The following DBT variants were observed in gnomAD, a reference collection of about 807,000 sequenced individuals.
DBT encodes lipoamide acyltransferase component of branched-chain alpha-keto acid dehydrogenase complex, mitochondrial.
DBT carries 40 observed loss-of-function variants against 51.3 expected under a neutral mutation model. The observed-to-expected ratio is 0.78, with a 90% CI of 0.61 to 1.02. The LOEUF (loss-of-function observed/expected upper bound fraction) is 1.02, where lower values mean the gene tolerates loss of function less well. DBT is among the 50% of genes least tolerant of loss of function. The pLI is 0.00. For missense variants in DBT, 510 were observed against 580.2 expected (o/e 0.88, Z 1.24); for synonymous variants, 181 against 190.4 (o/e 0.95, Z 0.41).
At chr1:100,230,603 T>G (rs1255490027) in intron 4 of DBT, 130 bp downstream of exon 4, 5 of 586,674 alleles carry the variant, frequency 8.5e-6, no homozygotes, top group Non-Finnish European at 1.5e-5. Flanking sequence ...TTACATTTCC[T>G]CAAGAGCTAA....
intron 2 of DBT, among the ~76,000 whole-genome samples, chr1:100,238,668 T>G (rs962583380): frequency 6.6e-6 from 1 of 152,014 alleles, no homozygotes; most frequent in South Asian, 2.1e-4. Context: ...GCTGACTTTT[T>G]AAAATTTTTT....
intron 4 of DBT, among the ~76,000 whole-genome samples, chr1:100,222,508 G>A (rs1662911712): frequency 6.6e-6 from 1 of 152,166 alleles, no homozygotes; most frequent in South Asian, 2.1e-4. Flanking sequence ...AAACAGAGCT[G>A]AGGTCAAATC....
chr1:100,217,795 G>GATA (rs61638113), intron 5 of DBT, among the ~76,000 whole-genome samples: 120,630 of 151,884 alleles, frequency 0.79, 49,359 homozygotes, highest in East Asian at 0.95. Flanking sequence ...GAGGATTACA[G>GATA]ATGTGTCTAT....
chr1:100,220,549 G>A (rs1570822897), intron 4 of DBT, among the ~76,000 whole-genome samples: 2 of 152,122 alleles, frequency 1.3e-5, no homozygotes, highest in East Asian at 3.8e-4. Context: ...TCTCCTAAAG[G>A]TAAGGAAGGG....
In DBT at chr1:100,187,106, C is replaced by T. The variant is rs1275547616; in HGVS notation, c.*9149G>A. On this transcript the variant is annotated 3_prime_UTR_variant, in exon 11 of 11. Coordinates refer to ENST00000370132, the MANE Select transcript of DBT (RefSeq NM_001918.5). Reference sequence around the variant, plus strand: ...ACTTCTCTGATGAATGAAGTGGTTACCATATTTTTTCCCATTGTGTAAAGA... The same window carrying T: ...ACTTCTCTGATGAATGAAGTGGTTATCATATTTTTTCCCATTGTGTAAAGA... 1 of 152,156 alleles carries T rather than the reference C, an allele frequency of 6.6e-6. No individual in the cohort carries two copies. The highest frequency in any genetic ancestry group is 6.5e-5 in the Admixed American group (1 of 15,270). The allele number at this position is 152,156 out of a possible 1,614,324, so 9.4% of individuals were successfully genotyped here.
At chr1:100,228,320 CTAGACTAAAA>C (rs1462995878) in intron 4 of DBT, among the ~76,000 whole-genome samples, 1 of 152,204 alleles carries the variant, frequency 6.6e-6, no homozygotes, top group Admixed American at 6.5e-5. Context: ...GGAGGATAAA[CTAGACTAAAA>C]GAGACTTAAG....
chr1:100,232,092 C>T (rs139279205), intron 3 of DBT, among the ~76,000 whole-genome samples: 42 of 152,320 alleles, frequency 2.8e-4, no homozygotes, highest in African/African-American at 8.7e-4. Context: ...AGATATTCAA[C>T]AGTTCTTTAT....
chr1:100,196,993 A>G (rs575524494), intron 10 of DBT: 25 of 212,304 alleles, frequency 1.2e-4, no homozygotes, highest in African/African-American at 5.5e-4. Flanking sequence ...AGGAAGGCAT[A>G]TATTCCATTA....
At chr1:100,215,940 T>A (rs1662448949) in intron 6 of DBT, 43 bp downstream of exon 6, 2 of 1,211,978 alleles carry the variant, frequency 1.7e-6, no homozygotes, top group Non-Finnish European at 2.5e-6. Context: ...TCCCCCAAAA[T>A]AAATGAACTA....
At position 100,230,985 on chromosome 1, in the gene DBT, G is replaced by A. The variant is rs1042269054; in HGVS notation, c.252-71C>T. ...TACAGATCATATTAAGGATGTAAAT[G>A]CCATGCTGAGTTAGATCAGTATTCA... On this transcript the variant is annotated intron_variant, in intron 3 of 10. Coordinates refer to ENST00000370132, the MANE Select transcript of DBT (RefSeq NM_001918.5). The A allele has an allele frequency of 1.6e-5, 15 of 932,750 alleles. No individual in the cohort carries two copies. The African/African-American group carries it at 2.3e-4, about 14-fold the overall frequency. The allele number at this position is 932,750 out of a possible 1,614,324, so 57.8% of individuals were successfully genotyped here.
intron 4 of DBT, among the ~76,000 whole-genome samples, chr1:100,230,236 A>C (rs879809177): frequency 1.3e-5 from 2 of 152,180 alleles, no homozygotes; most frequent in Admixed American, 6.6e-5. Flanking sequence ...CACATTTTTA[A>C]CATGGCAACT....
intron 4 of DBT, among the ~76,000 whole-genome samples, chr1:100,229,529 A>G (rs1287567849): frequency 6.6e-6 from 1 of 152,228 alleles, no homozygotes; most frequent in African/African-American, 2.4e-5. Flanking sequence ...TCACAGAATA[A>G]TAAGTGTAAA....
At position 100,218,702 on chromosome 1, in the gene DBT, T is replaced by G. The variant is rs995821115; in HGVS notation, c.479A>C (p.Glu160Ala). 1.9e-6 allele frequency: 3 copies of G among 1,613,918 alleles called. No homozygotes were observed. Among genetic ancestry groups the G allele is most frequent in the Admixed American group, 1.7e-5 (1 of 60,012 alleles). The change falls in exon 5 of 11, where the codon GAA becomes GCA. Residue 160 changes from glutamate to alanine, a missense_variant. Glu to Ala is a moderately radical substitution (Grantham distance 107, BLOSUM62 -1). Transcript: ENST00000370132. ...VVETPAVSHD[E>A]HTHQEIKGRK... Reference sequence around the variant, plus strand: ...GCCCTTTATCTCTTGGTGTGTATGTTCATCATGAGACACTGCAGGAGTTTC... The same window carrying G: ...GCCCTTTATCTCTTGGTGTGTATGTGCATCATGAGACACTGCAGGAGTTTC...
intron 4 of DBT, 59 bp downstream of exon 4, chr1:100,230,674 C>A: frequency 9.0e-7 from 1 of 1,110,502 alleles, no homozygotes. Flanking sequence ...AATTGGGACC[C>A]AATGACAAAA....
At chr1:100,218,399 A>G (rs994448907) in intron 5 of DBT, among the ~76,000 whole-genome samples, 10 of 152,230 alleles carry the variant, frequency 6.6e-5, no homozygotes, top group African/African-American at 2.2e-4. Context: ...ATTAGGCTCT[A>G]AGAAAGAATA....
intron 4 of DBT, among the ~76,000 whole-genome samples, chr1:100,228,073 C>T (rs1663326873): frequency 6.6e-6 from 1 of 152,142 alleles, no homozygotes; most frequent in Non-Finnish European, 1.5e-5. Flanking sequence ...TGGTCTCAAA[C>T]TCCTGACCTC....
In DBT at chr1:100,249,770, C is replaced by G. The variant is rs553435847; in HGVS notation, c.51G>C (p.Leu17=). 2 of 1,614,100 alleles carry G rather than the reference C, an allele frequency of 1.2e-6. No individual in the cohort carries two copies. The highest frequency in any genetic ancestry group is 2.2e-5 in the South Asian group (2 of 91,082). The change falls in exon 1 of 11, where the codon CTG becomes CTC. Residue 17 remains leucine, a splice_region_variant and synonymous_variant. Coordinates refer to ENST00000370132, the MANE Select transcript of DBT (RefSeq NM_001918.5). ...LRTWSRNAGK[L]ICVRYFQTCG... ...CTCAGATCTGCCCAAACGTGCTTAC[C>G]AGCTTCCCCGCATTCCTGCTCCAGG...
chr1:100,245,654 G>A (rs1640682397), intron 1 of DBT, among the ~76,000 whole-genome samples: 2 of 152,118 alleles, frequency 1.3e-5, no homozygotes, highest in African/African-American at 4.8e-5. Context: ...GTCTTTCCTT[G>A]ATTTTAAAAA....
chr1:100,217,055 T>A (rs889740056), intron 5 of DBT, among the ~76,000 whole-genome samples: 1 of 152,168 alleles, frequency 6.6e-6, no homozygotes, highest in African/African-American at 2.4e-5. Context: ...TACAAACAAC[T>A]GTAAATGCCA....
Sources: allele counts gnomAD v4.1 joint callset (sites outside exome capture counted in the v4.1 genomes callset), GRCh38; gene constraint gnomAD v4.1.1; transcripts MANE v1.5; gene names NCBI Gene and HGNC (gene_info 2026-07-23, HGNC 2026-07-21).